Variants in VCP observed in about 807,000 individuals in gnomAD.
VCP encodes the protein transitional endoplasmic reticulum ATPase.
In VCP, 6 loss-of-function variants were observed where a neutral mutation model predicts 85.7. The ratio of observed to expected loss-of-function variants is 0.07; its 90% CI spans 0.04 to 0.14. VCP has a LOEUF of 0.14. VCP is among the 10% of genes least tolerant of loss of function. The pLI, the probability that VCP is intolerant of heterozygous loss-of-function variation, is 1.00. For synonymous variants in VCP, 384 were observed against 367.1 expected (o/e 1.05, Z -0.53); for missense variants, 353 against 1,043.4 (o/e 0.34, Z 9.12).
chr9:35,062,965 C>T lies in VCP; in HGVS notation c.811+13G>A, dbSNP rs16932174. ...TGGGTCTAGCTAGACATAAGATGAA[C>T]CAAATATCTCACCATTGATCAAGAA... On this transcript the variant is annotated intron_variant, in intron 7 of 16. Transcript: ENST00000358901. The T allele has an allele frequency of 6.2e-7, 1 of 1,613,542 alleles. No homozygotes were observed. Among genetic ancestry groups the T allele is most frequent in the Non-Finnish European group, 8.5e-7 (1 of 1,179,720 alleles).
intron 2 of VCP, 76 bp downstream of exon 2, chr9:35,068,175 A>C: frequency 1.9e-6 from 3 of 1,607,710 alleles, no homozygotes; most frequent in Non-Finnish European, 2.6e-6. Context: ...CACTGCAAGA[A>C]AAATGAGAAA....
At chr9:35,068,404 G>A in intron 1 of VCP, 42 bp from the exon 2 acceptor site, 3 of 1,542,296 alleles carry the variant, frequency 1.9e-6, no homozygotes, top group East Asian at 2.2e-5. Flanking sequence ...CCTGCCCCAA[G>A]CGCCTCGCCA....
chr9:35,069,770 C>T (rs889615911), intron 1 of VCP, among the ~76,000 whole-genome samples: 1 of 152,150 alleles, frequency 6.6e-6, no homozygotes, highest in Non-Finnish European at 1.5e-5. Flanking sequence ...TTTTTAAGAG[C>T]GGCCTCGTGT....
chr9:35,057,600 T>C (rs948691382), intron 15 of VCP, 70 bp from the exon 16 acceptor site: 10 of 1,590,030 alleles, frequency 6.3e-6, no homozygotes, highest in East Asian at 2.2e-5. Context: ...AGGCCTCCCA[T>C]TACTGCAGTT....
chr9:35,070,694 C>T (rs1450418360), intron 1 of VCP, among the ~76,000 whole-genome samples: 1 of 152,150 alleles, frequency 6.6e-6, no homozygotes, highest in Non-Finnish European at 1.5e-5. Context: ...CCTCGGCCTC[C>T]CAAAATGCTG....
chr9:35,068,154 C>CT, intron 2 of VCP, 91 bp from the exon 3 acceptor site: 5 of 1,606,544 alleles, frequency 3.1e-6, no homozygotes, highest in Non-Finnish European at 4.3e-6. Context: ...AAACCCCACT[C>CT]TATCTGCAGT....
chr9:35,067,785 C>T (rs559074701), intron 3 of VCP, 106 bp downstream of exon 3: 7 of 1,454,028 alleles, frequency 4.8e-6, no homozygotes, highest in East Asian at 2.3e-5. Context: ...CTTCCTGCAT[C>T]GACAGGTGCC....
chr9:35,063,151 CCA>C, intron 6 of VCP, 71 bp from the exon 7 acceptor site: 1 of 1,372,858 alleles, frequency 7.3e-7, no homozygotes, highest in Non-Finnish European at 1.0e-6. Context: ...GACTAGCGCT[CCA>C]GAGAGGGTGA....
intron 1 of VCP, among the ~76,000 whole-genome samples, chr9:35,071,178 A>C (rs972189285): frequency 6.6e-6 from 1 of 152,206 alleles, no homozygotes; most frequent in African/African-American, 2.4e-5. Context: ...TTAAATAAGC[A>C]ACTGAGTAAT....
rs1374095414 is a variant in VCP at position 35,072,205 on chromosome 9, C to G, written c.17+132G>C. Reference sequence around the variant, plus strand: ...CGGGTCCACGGCCCCTCACTCGCCCCCTAGCTTCCCTTCCCTCTTTCCTGG... The same window carrying G: ...CGGGTCCACGGCCCCTCACTCGCCCGCTAGCTTCCCTTCCCTCTTTCCTGG... On this transcript the variant is annotated intron_variant, in intron 1 of 16. Transcript: ENST00000358901. 6.2e-6 allele frequency: 9 copies of G among 1,444,844 alleles called. No homozygotes were observed. The Admixed American group carries it at 1.1e-4, about 18-fold the overall frequency. The allele number at this position is 1,444,844 out of a possible 1,614,324, so 89.5% of individuals were successfully genotyped here.
At chr9:35,057,555 T>A (rs749412689) in intron 15 of VCP, 25 bp from the exon 16 acceptor site, 2 of 1,603,796 alleles carry the variant, frequency 1.2e-6, no homozygotes, top group African/African-American at 1.3e-5. Flanking sequence ...CACAGATCAC[T>A]AGGGCTAGTT....
At chr9:35,058,769 A>G (rs976295054) in intron 15 of VCP, among the ~76,000 whole-genome samples, 1 of 151,548 alleles carries the variant, frequency 6.6e-6, no homozygotes, top group African/African-American at 2.4e-5. Context: ...TTCGTCTCAA[A>G]AAAAAAACAA....
chr9:35,069,657 G>A (rs1434495029), intron 1 of VCP, among the ~76,000 whole-genome samples: 1 of 152,060 alleles, frequency 6.6e-6, no homozygotes, highest in African/African-American at 2.4e-5. Context: ...TCACCATGGT[G>A]GTCAGGCTGG....
At chr9:35,057,886 T>C (rs1019044573) in intron 15 of VCP, 3 of 371,124 alleles carry the variant, frequency 8.1e-6, no homozygotes, top group East Asian at 6.7e-5. Flanking sequence ...AAATGGTATA[T>C]AGAAAGAGTG....
intron 1 of VCP, chr9:35,072,036 C>A (rs1828961367): frequency 5.0e-6 from 6 of 1,206,634 alleles, no homozygotes; most frequent in Non-Finnish European, 6.2e-6. Context: ...CCTGGCCAGG[C>A]CCAGACGTCC....
intron 1 of VCP, among the ~76,000 whole-genome samples, chr9:35,070,688 G>A (rs192229770): frequency 3.3e-5 from 5 of 152,066 alleles, no homozygotes; most frequent in South Asian, 2.1e-4. Flanking sequence ...TGCCTGCCTC[G>A]GCCTCCCAAA....
At position 35,061,185 on chromosome 9, in the gene VCP, G is replaced by C; in HGVS notation, c.1195-6C>G. The C allele has an allele frequency of 6.2e-7, 1 of 1,612,820 alleles. No homozygotes were observed. Among genetic ancestry groups the C allele is most frequent in the Non-Finnish European group, 8.5e-7 (1 of 1,180,006 alleles). ...CCGTGAGTCTCATTGGCTACCTGCA[G>C]AGAAAGATCTACTTACTATGCTGCC... is the stretch of plus-strand genomic sequence containing the variant. On this transcript the variant is annotated splice_region_variant and splice_polypyrimidine_tract_variant and intron_variant, in intron 10 of 16. Transcript: ENST00000358901.
chr9:35,060,621 C>T (rs1828702667), intron 12 of VCP, 96 bp from the exon 13 acceptor site: 1 of 1,513,850 alleles, frequency 6.6e-7, no homozygotes, highest in Non-Finnish European at 9.1e-7. Context: ...CATGGTGTAC[C>T]CAATGGTATC....
At chr9:35,061,885 G>C (rs1828728515) in intron 9 of VCP, 118 bp downstream of exon 9, 1 of 1,575,864 alleles carries the variant, frequency 6.3e-7, no homozygotes, top group Non-Finnish European at 8.7e-7. Context: ...GTAGGGTAAA[G>C]GAAAAAGACC....
Sources: allele counts gnomAD v4.1 joint callset (sites outside exome capture counted in the v4.1 genomes callset), GRCh38; gene constraint gnomAD v4.1.1; transcripts MANE v1.5; gene names NCBI Gene and HGNC (gene_info 2026-07-23, HGNC 2026-07-21).